The following ARMC9 variants were observed in gnomAD, a reference collection of about 807,000 sequenced individuals.
The protein encoded by ARMC9 is armadillo repeat containing 9, also known as lisH domain-containing protein ARMC9.
In ARMC9, 94 loss-of-function variants were observed where a neutral mutation model predicts 107.0. That is an observed-to-expected ratio of 0.88 (90% confidence interval 0.74 to 1.04). ARMC9 has a LOEUF of 1.04. ARMC9 is among the 50% of genes least tolerant of loss of function. ARMC9 has a pLI of 0.00. For missense variants in ARMC9, 942 were observed against 1,030.1 expected, an observed-to-expected ratio of 0.91 and a Z score of 1.17; for synonymous variants, 380 against 396.9, an observed-to-expected ratio of 0.96 and a Z score of 0.51.
intron 19 of ARMC9, among the ~76,000 whole-genome samples, chr2:231,330,579 A>G (rs2043661399): frequency 6.6e-6 from 1 of 152,178 alleles, no homozygotes; most frequent in Admixed American, 6.5e-5. Context: ...CTTACCACCC[A>G]GCAGGGATGA....
At chr2:231,267,265 C>T (rs1400344598) in intron 12 of ARMC9, among the ~76,000 whole-genome samples, 1 of 152,146 alleles carries the variant, frequency 6.6e-6, no homozygotes, top group Non-Finnish European at 1.5e-5. Context: ...CAGTCTCGCT[C>T]TGTCACCCAG....
At chr2:231,333,315 C>T (rs995531942) in intron 20 of ARMC9, among the ~76,000 whole-genome samples, 2 of 152,196 alleles carry the variant, frequency 1.3e-5, no homozygotes, top group South Asian at 2.1e-4. Flanking sequence ...CTCGGTTTGA[C>T]TCATGTTCTA....
chr2:231,234,100 C>G (rs73994549), intron 7 of ARMC9, among the ~76,000 whole-genome samples: 3,562 of 152,260 alleles, frequency 0.023, 148 homozygotes, highest in African/African-American at 0.082. Flanking sequence ...TCCTTGAAAC[C>G]TGTTCTACAA....
At chr2:231,268,994 A>G (rs1211241012) in intron 12 of ARMC9, among the ~76,000 whole-genome samples, 2 of 152,114 alleles carry the variant, frequency 1.3e-5, no homozygotes, top group Non-Finnish European at 1.5e-5. Flanking sequence ...CTTGAGCCCA[A>G]GAGGTTGAGG....
chr2:231,232,025 CTTT>C (rs575702443), intron 7 of ARMC9, among the ~76,000 whole-genome samples: 9 of 121,596 alleles, frequency 7.4e-5, no homozygotes, highest in East Asian at 2.4e-4. Context: ...TAACACATTC[CTTT>C]TTTTTTTTTT....
intron 20 of ARMC9, among the ~76,000 whole-genome samples, chr2:231,337,798 A>G (rs1455430849): frequency 1.3e-5 from 2 of 152,192 alleles, no homozygotes; most frequent in Admixed American, 1.3e-4. Context: ...AAATATCTTG[A>G]ATCCTTTTCG....
At chr2:231,206,685 T>C (rs1186696798) in intron 2 of ARMC9, among the ~76,000 whole-genome samples, 2 of 152,238 alleles carry the variant, frequency 1.3e-5, no homozygotes, top group Non-Finnish European at 2.9e-5. Context: ...TAATATAGCA[T>C]GAACATCTGC....
At position 231,221,830 on chromosome 2, in the gene ARMC9, CAAAAAA is replaced by C. The variant is rs61031104; in HGVS notation, c.505-885_505-880del. 3.3e-3 allele frequency among the ~76,000 whole-genome samples: 245 copies of C among 74,080 alleles called. 3 individuals are homozygous for C. Among genetic ancestry groups the C allele is most frequent in the African/African-American group, 0.012 (235 of 18,954 alleles). The allele number at this position is 74,080 out of a possible 152,430, so 48.6% of individuals were successfully genotyped here. A position where few individuals can be genotyped will look rare whatever the true frequency, so the allele number is the denominator to read the frequency against. ...TGGGTGACAAAGCAAGACTCTGTCT[CAAAAAA>C]AAAAAAAAAAAAGAACTTTCTGCTC... On this transcript the variant is annotated intron_variant, in intron 5 of 24. Coordinates refer to ENST00000611582, the MANE Select transcript of ARMC9 (RefSeq NM_001352754.2).
rs61556705 is a variant in ARMC9, at chr2:231,372,699, G to GGTGTGTGTGTGTGTGTGT, written c.*1203_*1220dup. On this transcript the variant is annotated 3_prime_UTR_variant, in exon 25 of 25. Coordinates refer to ENST00000611582, the MANE Select transcript of ARMC9 (RefSeq NM_001352754.2). ...CAAATAAAACCCATCAGTATTTAGT[G>GGTGTGTGTGTGTGTGTGT]GTGTGTGTGTGTGTGTGTGTGTGTG... 14 of 127,766 alleles carry GGTGTGTGTGTGTGTGTGT rather than the reference G, an allele frequency of 1.1e-4. No individual in the cohort carries two copies. In the East Asian group the frequency reaches 1.6e-3, roughly 14 times the overall value. 7.9% of individuals were successfully genotyped at this position (127,766 alleles called of 1,614,324 possible).
chr2:231,354,672 A>G (rs975912157), intron 21 of ARMC9, among the ~76,000 whole-genome samples: 5 of 152,046 alleles, frequency 3.3e-5, no homozygotes, highest in Non-Finnish European at 7.4e-5. Context: ...ATGAGCCACC[A>G]CGCCTAGCCA....
rs183274289 is a variant in ARMC9, at chr2:231,317,111, C to T, written c.1774-14682C>T. On this transcript the variant is annotated intron_variant, in intron 19 of 24. Coordinates refer to ENST00000611582, the MANE Select transcript of ARMC9 (RefSeq NM_001352754.2). ...AATATTTTTTTTCTTTGGTTCTTAG[C>T]GGTTTGTCTATGATGTACCTAGGTG... 2.0e-3 allele frequency among the ~76,000 whole-genome samples: 298 copies of T among 151,866 alleles called. 3 individuals carry two copies. The highest frequency in any genetic ancestry group is 0.018 in the Admixed American group (279 of 15,242).
At chr2:231,254,669 T>A in intron 9 of ARMC9, among the ~76,000 whole-genome samples, 1 of 144,646 alleles carries the variant, frequency 6.9e-6, no homozygotes, top group African/African-American at 2.5e-5. Context: ...AAAAAAAAAT[T>A]GAAAAAAATT....
chr2:231,313,197 A>C (rs941804777), intron 19 of ARMC9, among the ~76,000 whole-genome samples: 4 of 152,224 alleles, frequency 2.6e-5, no homozygotes, highest in Non-Finnish European at 1.5e-5. Flanking sequence ...ATCATCCAAC[A>C]GTGTTGACCC....
At chr2:231,260,747 C>T (rs2038259556) in intron 11 of ARMC9, among the ~76,000 whole-genome samples, 1 of 152,190 alleles carries the variant, frequency 6.6e-6, no homozygotes, top group Non-Finnish European at 1.5e-5. Flanking sequence ...TTTTATGCGG[C>T]TCTTGGTTTA....
chr2:231,221,019 G>A (rs2034068490), intron 5 of ARMC9, among the ~76,000 whole-genome samples: 1 of 152,198 alleles, frequency 6.6e-6, no homozygotes, highest in Non-Finnish European at 1.5e-5. Context: ...GCACCTGGGT[G>A]ATTTCCCTAG....
chr2:231,217,641 A>G (rs1230138988), intron 5 of ARMC9, among the ~76,000 whole-genome samples: 2 of 151,988 alleles, frequency 1.3e-5, no homozygotes, highest in Admixed American at 1.3e-4. Flanking sequence ...TTTTTACATT[A>G]TCACACACAG....
intron 19 of ARMC9, among the ~76,000 whole-genome samples, chr2:231,301,281 A>G (rs138944447): frequency 2.6e-4 from 39 of 152,304 alleles, no homozygotes; most frequent in Middle Eastern, 3.4e-3. Flanking sequence ...ATTTTTTGCT[A>G]TTTCAAACAA....
intron 17 of ARMC9, among the ~76,000 whole-genome samples, chr2:231,287,832 G>A (rs894776605): frequency 1.3e-5 from 2 of 152,144 alleles, no homozygotes; most frequent in African/African-American, 4.8e-5. Flanking sequence ...CAAGACATGA[G>A]CAAAGATGTA....
chr2:231,206,681 A>G (rs539614721), intron 2 of ARMC9, among the ~76,000 whole-genome samples: 46 of 152,368 alleles, frequency 3.0e-4, no homozygotes, highest in South Asian at 6.2e-4. Context: ...ACAATAATAT[A>G]GCATGAACAT....
Sources: allele counts gnomAD v4.1 joint callset (sites outside exome capture counted in the v4.1 genomes callset), GRCh38; gene constraint gnomAD v4.1.1; transcripts MANE v1.5; gene names NCBI Gene and HGNC (gene_info 2026-07-23, HGNC 2026-07-21).